BMP2K: variants seen among roughly 807,000 people sequenced by gnomAD.
BMP2K encodes the protein BMP2 inducible kinase.
A neutral mutation model predicts 116.0 loss-of-function variants in BMP2K; 74 were observed. The ratio of observed to expected loss-of-function variants is 0.64; its 90% CI spans 0.53 to 0.77. The LOEUF (loss-of-function observed/expected upper bound fraction) is 0.77. Among genes scored for constraint, BMP2K ranks in the 30% least tolerant of loss-of-function variants. The probability of loss-of-function intolerance (pLI) is 0.00; values close to 1 mark genes in which losing one functional copy is unlikely to be tolerated. For synonymous variants in BMP2K, 486 were observed against 502.5 expected (o/e 0.97, Z 0.44); for missense variants, 1,365 against 1,403.6 (o/e 0.97, Z 0.44).
intron 1 of BMP2K, among the ~76,000 whole-genome samples, chr4:78,824,525 C>T (rs1288039712): frequency 6.6e-6 from 1 of 152,080 alleles, no homozygotes; most frequent in Admixed American, 6.6e-5. Flanking sequence ...GGGAATCTGC[C>T]CCCATGTTTC....
intron 15 of BMP2K, among the ~76,000 whole-genome samples, chr4:78,888,883 A>G (rs1338279725): frequency 6.6e-6 from 1 of 152,192 alleles, no homozygotes; most frequent in Non-Finnish European, 1.5e-5. Flanking sequence ...GACTATCTAT[A>G]AAAATTCATA....
chr4:78,847,198 C>G lies in BMP2K; in HGVS notation c.679C>G (p.Leu227Val). 1 of 1,557,916 alleles carries G rather than the reference C, an allele frequency of 6.4e-7. No individual in the cohort carries two copies. Among genetic ancestry groups the G allele is most frequent in the Non-Finnish European group, 8.7e-7 (1 of 1,149,902 alleles). The change falls in exon 6 of 16, where the codon CTG (leucine) becomes GTG (valine). Residue 227 changes from leucine (L) to valine (V), a missense_variant. Coordinates refer to ENST00000502613, the MANE Select transcript of BMP2K (RefSeq NM_198892.2). ...CTCATTTACTGCCAGGTATACAACT[C>G]TGTCATACAGAGCCCCTGAAATGAT... is the stretch of plus-strand genomic sequence containing the variant. ...VEEEIKKYTT[L>V]SYRAPEMINL...
chr4:78,838,223 G>A (rs1331156682), intron 3 of BMP2K, among the ~76,000 whole-genome samples: 1 of 152,148 alleles, frequency 6.6e-6, no homozygotes, highest in Non-Finnish European at 1.5e-5. Context: ...TCACCATCAC[G>A]AGAACAGCAC....
In BMP2K at chr4:78,882,095, A is replaced by G. The variant is rs571859421; in HGVS notation, c.1951+3204A>G. Among the ~76,000 whole-genome samples the G allele has an allele frequency of 3.9e-5, 6 of 152,146 alleles. No homozygotes were observed. The East Asian group carries it at 7.7e-4, about 20-fold the overall frequency. ...TCCCATTTGGGGTTTTATTTTGAAT[A>G]TGATTCATGGTTATTTTTTTAAAAA... On this transcript the variant is annotated intron_variant, in intron 14 of 15. Coordinates refer to ENST00000502613, the MANE Select transcript of BMP2K (RefSeq NM_198892.2).
At position 78,872,790 on chromosome 4, in the gene BMP2K, T is replaced by G. The variant is rs142932984; in HGVS notation, c.1785T>G (p.Ser595Arg). ...GAACCATAATGGACTCCTCCTATAG[T>G]GCCAATAGGCAAGTATTTTTCCAGT... ...QVGTIMDSSY[S>R]ANRSVADKEA... Residue 595 changes from serine (S) to arginine (R), a missense_variant, in exon 13 of 16, where the codon AGT (serine) becomes AGG (arginine). This residue lies in a region of BMP2K where 762 missense variants were observed against 756.7 expected (regional missense o/e 1.01). Transcript: ENST00000502613. 1.6e-4 allele frequency: 250 copies of G among 1,612,310 alleles called. 1 individual carries two copies. In the African/African-American group the frequency reaches 2.4e-3, roughly 15 times the overall value.
In BMP2K at chr4:78,872,733, T is replaced by C; in HGVS notation, c.1728T>C (p.Val576=). 1.2e-6 allele frequency: 2 copies of C among 1,614,164 alleles called. No individual in the cohort carries two copies. Among genetic ancestry groups the C allele is most frequent in the Non-Finnish European group, 8.5e-7 (1 of 1,180,000 alleles). Reference sequence around the variant, plus strand: ...CTCAAGAGTTCTCACCAGCCTTAGTTTCCTACACTTCATCACTTCCAGCTC... The same window carrying C: ...CTCAAGAGTTCTCACCAGCCTTAGTCTCCTACACTTCATCACTTCCAGCTC... ...TSPQEFSPAL[V]SYTSSLPAQV... The change falls in exon 13 of 16, where the codon GTT becomes GTC. Residue 576 remains valine, a synonymous_variant. Coordinates refer to ENST00000502613, the MANE Select transcript of BMP2K (RefSeq NM_198892.2).
intron 7 of BMP2K, among the ~76,000 whole-genome samples, chr4:78,858,302 A>G (rs1330185161): frequency 2.0e-5 from 3 of 151,974 alleles, no homozygotes; most frequent in Non-Finnish European, 4.4e-5. Flanking sequence ...GATAAAATAA[A>G]TTTTGTAGAT....
At chr4:78,865,828 A>G in intron 10 of BMP2K, 108 bp downstream of exon 10, 1 of 1,109,592 alleles carries the variant, frequency 9.0e-7, no homozygotes, top group Non-Finnish European at 1.3e-6. Flanking sequence ...AGTAGATAAC[A>G]TAATGCTTTC....
rs556319872 is a variant in BMP2K, at chr4:78,838,217, C to T, written c.404-4168C>T. 5.6e-4 allele frequency among the ~76,000 whole-genome samples: 85 copies of T among 152,276 alleles called. 2 individuals carry two copies. The South Asian group carries it at 0.017, about 31-fold the overall frequency. ...ATCGGATGTCGTGAGACTTATTCAC[C>T]ATCACGAGAACAGCACAGGAAAGAC... On this transcript the variant is annotated intron_variant, in intron 3 of 15. Transcript: ENST00000502613.
At chr4:78,837,939 G>A (rs1411600917) in intron 3 of BMP2K, among the ~76,000 whole-genome samples, 5 of 152,188 alleles carry the variant, frequency 3.3e-5, no homozygotes, top group Non-Finnish European at 7.3e-5. Context: ...AGTGTGGCCA[G>A]CTAATGTTAG....
At chr4:78,784,012 G>T (rs899340098) in intron 1 of BMP2K, among the ~76,000 whole-genome samples, 1 of 152,016 alleles carries the variant, frequency 6.6e-6, no homozygotes, top group Non-Finnish European at 1.5e-5. Flanking sequence ...TTCATCATGG[G>T]GTGCACAGTA....
intron 1 of BMP2K, among the ~76,000 whole-genome samples, chr4:78,815,561 A>C (rs1198511794): frequency 6.6e-6 from 1 of 152,154 alleles, no homozygotes; most frequent in Non-Finnish European, 1.5e-5. Flanking sequence ...CGCCTGGGGA[A>C]AAACATACTT....
intron 1 of BMP2K, among the ~76,000 whole-genome samples, chr4:78,778,223 A>T (rs1727339345): frequency 6.6e-6 from 1 of 152,224 alleles, no homozygotes; most frequent in Non-Finnish European, 1.5e-5. Flanking sequence ...TAGAAAAAAA[A>T]TACTGACATT....
chr4:78,809,740 T>G (rs548008085), intron 1 of BMP2K, among the ~76,000 whole-genome samples: 5 of 152,060 alleles, frequency 3.3e-5, no homozygotes, highest in Non-Finnish European at 7.4e-5. Flanking sequence ...CTCTACTTGG[T>G]GAGCCATCAT....
At chr4:78,874,854 C>T (rs761086016) in intron 13 of BMP2K, among the ~76,000 whole-genome samples, 1 of 152,092 alleles carries the variant, frequency 6.6e-6, no homozygotes, top group Non-Finnish European at 1.5e-5. Context: ...TGATGCTATT[C>T]GACAAATCAC....
chr4:78,896,618 G>T (rs1259617341), intron 15 of BMP2K, among the ~76,000 whole-genome samples: 1 of 152,210 alleles, frequency 6.6e-6, no homozygotes, highest in Non-Finnish European at 1.5e-5. Context: ...GGTGAATGCA[G>T]TGCAGTGAGA....
intron 1 of BMP2K, among the ~76,000 whole-genome samples, chr4:78,785,150 G>T (rs1027539398): frequency 2.0e-5 from 3 of 151,852 alleles, no homozygotes; most frequent in African/African-American, 7.3e-5. Context: ...TTGCTCTGTT[G>T]CCCAGGCTGG....
intron 2 of BMP2K, 47 bp from the exon 3 acceptor site, chr4:78,833,535 C>A (rs370991845): frequency 2.5e-4 from 313 of 1,273,712 alleles, no homozygotes; most frequent in Non-Finnish European, 3.3e-4. Flanking sequence ...TAATTCTATA[C>A]CTTTAAATGT....
At chr4:78,793,825 T>C (rs1456311711) in intron 1 of BMP2K, among the ~76,000 whole-genome samples, 1 of 152,146 alleles carries the variant, frequency 6.6e-6, no homozygotes, top group Non-Finnish European at 1.5e-5. Flanking sequence ...ATATTTTGGA[T>C]ATATTGGGTC....
Sources: gnomAD v4.1 joint callset for allele counts (sites outside exome capture counted in the v4.1 genomes callset) on GRCh38, gnomAD v4.1.1 for gene constraint, gnomAD v4.1.1 regional missense constraint, MANE v1.5 for transcripts, NCBI Gene and HGNC (gene_info 2026-07-23, HGNC 2026-07-21) for gene names.